Variants in KCNG3 observed in about 807,000 individuals in gnomAD.
KCNG3 encodes voltage-gated potassium channel regulatory subunit KCNG3.
KCNG3 carries 15 observed loss-of-function variants against 29.0 expected under a neutral mutation model. The ratio of observed to expected loss-of-function variants is 0.52; its 90% CI spans 0.35 to 0.80. KCNG3 has a LOEUF of 0.80. KCNG3 is among the 30% of genes least tolerant of loss of function. The pLI is 0.01. For missense variants in KCNG3, 512 were observed against 605.7 expected (o/e 0.85, Z 1.62); for synonymous variants, 322 against 248.9 (o/e 1.29, Z -2.76).
chr2:42,409,745 T>C, the KCNG3 span, among the ~76,000 whole-genome samples: 1 of 142,506 alleles, frequency 7.0e-6, no homozygotes, highest in South Asian at 2.3e-4. Flanking sequence ...TTTTAAATTA[T>C]ACAGTGAAAA....
intron 1 of KCNG3, among the ~76,000 whole-genome samples, chr2:42,462,363 G>A (rs1302531954): frequency 2.0e-5 from 3 of 152,214 alleles, no homozygotes; most frequent in Admixed American, 6.5e-5. Flanking sequence ...TAAGACAGGT[G>A]ATGAAGGACT....
chr2:42,456,688 C>T (rs1401227292), intron 1 of KCNG3, among the ~76,000 whole-genome samples: 2 of 152,142 alleles, frequency 1.3e-5, no homozygotes, highest in Non-Finnish European at 2.9e-5. Context: ...TCATCAGCAG[C>T]TTAAATCAGC....
chr2:42,481,361 C>G (rs1293128308), intron 1 of KCNG3, among the ~76,000 whole-genome samples: 1 of 152,146 alleles, frequency 6.6e-6, no homozygotes, highest in African/African-American at 2.4e-5. Flanking sequence ...AAGTCCTTGA[C>G]CATCCAGGAG....
chr2:42,399,309 T>C, the KCNG3 span, among the ~76,000 whole-genome samples: 1 of 152,182 alleles, frequency 6.6e-6, no homozygotes, highest in South Asian at 2.1e-4. Flanking sequence ...CTGCCCTGCC[T>C]CAGCCTCTCG....
chr2:42,402,910 G>A, the KCNG3 span, among the ~76,000 whole-genome samples: 1 of 152,098 alleles, frequency 6.6e-6, no homozygotes, highest in Non-Finnish European at 1.5e-5. Flanking sequence ...TTGTCAAAGG[G>A]CTACCAAAAA....
the KCNG3 span, among the ~76,000 whole-genome samples, chr2:42,417,810 A>C: frequency 6.6e-6 from 1 of 151,840 alleles, no homozygotes; most frequent in Non-Finnish European, 1.5e-5. Context: ...GTCTCTGCTA[A>C]AAAATTCAAA....
At chr2:42,488,101 C>T (rs957128760) in intron 1 of KCNG3, among the ~76,000 whole-genome samples, 1 of 152,128 alleles carries the variant, frequency 6.6e-6, no homozygotes, top group Non-Finnish European at 1.5e-5. Flanking sequence ...GGGAAAAGAA[C>T]TGAATGGCTG....
the KCNG3 span, among the ~76,000 whole-genome samples, chr2:42,389,954 C>T: frequency 1.3e-5 from 2 of 152,138 alleles, no homozygotes; most frequent in African/African-American, 4.8e-5. Context: ...ATATTTGTTT[C>T]ATCAGCAAAG....
At chr2:42,479,235 T>C (rs963210535) in intron 1 of KCNG3, among the ~76,000 whole-genome samples, 2 of 152,110 alleles carry the variant, frequency 1.3e-5, no homozygotes, top group Non-Finnish European at 2.9e-5. Flanking sequence ...CTAGGATAGA[T>C]ACAAAGAATA....
intron 1 of KCNG3, chr2:42,469,962 C>T (rs569320621): frequency 1.5e-5 from 6 of 404,300 alleles, no homozygotes; most frequent in South Asian, 6.7e-5. Flanking sequence ...CTTCACAAAC[C>T]GGTGTGATAC....
chr2:42,462,257 A>G (rs1673038101), intron 1 of KCNG3, among the ~76,000 whole-genome samples: 1 of 152,216 alleles, frequency 6.6e-6, no homozygotes, highest in East Asian at 1.9e-4. Context: ...CAAGAGAAGG[A>G]ATTCAGTCCT....
chr2:42,478,369 G>A (rs559708625), intron 1 of KCNG3, among the ~76,000 whole-genome samples: 2 of 152,008 alleles, frequency 1.3e-5, no homozygotes, highest in South Asian at 4.2e-4. Context: ...CTGAGTAGCT[G>A]GGAGTAGTGC....
At chr2:42,433,178 T>C in the KCNG3 span, among the ~76,000 whole-genome samples, 1 of 152,152 alleles carries the variant, frequency 6.6e-6, no homozygotes, top group Non-Finnish European at 1.5e-5. Context: ...GATACCCAGA[T>C]TGAAAAGAAA....
chr2:42,396,275 C>G, the KCNG3 span, among the ~76,000 whole-genome samples: 39 of 152,292 alleles, frequency 2.6e-4, no homozygotes, highest in African/African-American at 8.9e-4. Context: ...ATACGTGAAG[C>G]ATCTAATGTC....
At chr2:42,486,394 A>G (rs532033304) in intron 1 of KCNG3, among the ~76,000 whole-genome samples, 1 of 151,908 alleles carries the variant, frequency 6.6e-6, no homozygotes, top group Admixed American at 6.6e-5. Context: ...TCTGCTGTTG[A>G]CCCTCCCTTC....
chr2:42,458,501 T>A (rs1023831241), intron 1 of KCNG3, among the ~76,000 whole-genome samples: 2 of 151,724 alleles, frequency 1.3e-5, no homozygotes, highest in East Asian at 3.8e-4. Flanking sequence ...TGACTGCAAA[T>A]GCAAAGGCAA....
intron 1 of KCNG3, among the ~76,000 whole-genome samples, chr2:42,472,432 GGA>G (rs1366700980): frequency 2.0e-5 from 3 of 151,972 alleles, no homozygotes; most frequent in Non-Finnish European, 4.4e-5. Context: ...ATCAAAGTCA[GGA>G]GAGTGCCACT....
the KCNG3 span, among the ~76,000 whole-genome samples, chr2:42,390,773 A>T: frequency 1.3e-5 from 2 of 152,212 alleles, no homozygotes; most frequent in Non-Finnish European, 2.9e-5. Flanking sequence ...GAGCTATTAG[A>T]ACAGCTCTCC....
intron 1 of KCNG3, among the ~76,000 whole-genome samples, chr2:42,491,288 TCCCAAAACA>T (rs1422287356): frequency 6.6e-6 from 1 of 152,104 alleles, no homozygotes; most frequent in Non-Finnish European, 1.5e-5. Flanking sequence ...CCTTTCCCTC[TCCCAAAACA>T]CCCTCCCTCC....
Sources: allele counts gnomAD v4.1 joint callset (sites outside exome capture counted in the v4.1 genomes callset), GRCh38; gene constraint gnomAD v4.1.1; transcripts MANE v1.5; gene names NCBI Gene and HGNC (gene_info 2026-07-23, HGNC 2026-07-21).